MEGF9: variants seen among roughly 807,000 people sequenced by gnomAD.
MEGF9 encodes the protein multiple epidermal growth factor-like domains protein 9.
Under a neutral mutation model 46.8 loss-of-function variants are expected in MEGF9, and 6 were observed. The observed-to-expected ratio is 0.13, with a 90% CI of 0.07 to 0.25. The LOEUF (loss-of-function observed/expected upper bound fraction) is 0.25, where lower values mean the gene tolerates loss of function less well. MEGF9 is among the 10% of genes least tolerant of loss of function. MEGF9 has a pLI of 1.00. For synonymous variants in MEGF9, 302 were observed against 330.7 expected (o/e 0.91, Z 0.94); for missense variants, 683 against 792.4 (o/e 0.86, Z 1.66).
At chr9:120,674,321 G>C (rs1236748545) in intron 1 of MEGF9, among the ~76,000 whole-genome samples, 1 of 152,064 alleles carries the variant, frequency 6.6e-6, no homozygotes, top group African/African-American at 2.4e-5. Flanking sequence ...TTTAAAAATG[G>C]AGAAAAGATC....
At chr9:120,668,280 A>G (rs2043734181) in intron 1 of MEGF9, among the ~76,000 whole-genome samples, 1 of 152,216 alleles carries the variant, frequency 6.6e-6, no homozygotes, top group Admixed American at 6.5e-5. Flanking sequence ...TGTTATGCCA[A>G]GGTATTGCCA....
At chr9:120,654,865 C>T (rs1353783706) in intron 2 of MEGF9, among the ~76,000 whole-genome samples, 2 of 151,384 alleles carry the variant, frequency 1.3e-5, no homozygotes, top group African/African-American at 4.9e-5. Flanking sequence ...ATATTTACGT[C>T]GTAGTTTTTA....
At chr9:120,662,867 G>A (rs756781136) in intron 1 of MEGF9, among the ~76,000 whole-genome samples, 14 of 152,296 alleles carry the variant, frequency 9.2e-5, no homozygotes, top group Middle Eastern at 3.4e-3. Flanking sequence ...GGGCTGTTAC[G>A]CAGAAATCCA....
chr9:120,611,618 G>A (rs191826382), intron 4 of MEGF9, among the ~76,000 whole-genome samples: 1 of 152,028 alleles, frequency 6.6e-6, no homozygotes, highest in Admixed American at 6.6e-5. Context: ...AATGATTATA[G>A]GATTGTTTTT....
At chr9:120,642,707 T>C (rs192197548) in intron 2 of MEGF9, among the ~76,000 whole-genome samples, 4 of 152,336 alleles carry the variant, frequency 2.6e-5, no homozygotes, top group African/African-American at 9.6e-5. Flanking sequence ...TTCTATTCAA[T>C]TGCAGAACCC....
intron 2 of MEGF9, among the ~76,000 whole-genome samples, chr9:120,644,322 G>A (rs1343325491): frequency 6.6e-6 from 1 of 152,064 alleles, no homozygotes; most frequent in Admixed American, 6.5e-5. Flanking sequence ...ATTAGAATGA[G>A]GTTATGAATT....
chr9:120,626,693 G>A (rs1348976678), intron 2 of MEGF9, among the ~76,000 whole-genome samples: 1 of 152,164 alleles, frequency 6.6e-6, no homozygotes, highest in Non-Finnish European at 1.5e-5. Context: ...TACAGGAAAG[G>A]AGTATCAGAG....
chr9:120,649,847 GGACTTACT>G (rs1235010435), intron 2 of MEGF9, among the ~76,000 whole-genome samples: 2 of 152,072 alleles, frequency 1.3e-5, no homozygotes, highest in Non-Finnish European at 2.9e-5. Context: ...ATGATGAGGA[GGACTTACT>G]GTGTAGCAGC....
At chr9:120,660,895 T>C (rs1473281161) in intron 1 of MEGF9, among the ~76,000 whole-genome samples, 2 of 152,190 alleles carry the variant, frequency 1.3e-5, no homozygotes, top group African/African-American at 4.8e-5. Flanking sequence ...AATGGCACTG[T>C]ACCAACACAG....
chr9:120,675,887 C>CAAA lies in MEGF9; in HGVS notation c.602-16315_602-16313dup, dbSNP rs1173047863. On this transcript the variant is annotated intron_variant, in intron 1 of 5. Transcript: ENST00000373930. Reference sequence around the variant, plus strand: ...TGGCCGACAGAGCGAGACTCCATCTCAAAAAAAAAAAAAAAAAAAAAAACA... The same window carrying CAAA: ...TGGCCGACAGAGCGAGACTCCATCTCAAAAAAAAAAAAAAAAAAAAAAAAAACA... Among the ~76,000 whole-genome samples, 419 of 56,496 alleles carry CAAA rather than the reference C, an allele frequency of 7.4e-3. 2 individuals are homozygous for CAAA. Among genetic ancestry groups the CAAA allele is most frequent in the African/African-American group, 8.8e-3 (119 of 13,452 alleles). 37.1% of individuals were successfully genotyped at this position (56,496 alleles called of 152,430 possible).
chr9:120,708,652 G>A (rs1215517709), intron 1 of MEGF9, among the ~76,000 whole-genome samples: 1 of 152,142 alleles, frequency 6.6e-6, no homozygotes, highest in African/African-American at 2.4e-5. Flanking sequence ...TTTATCATCT[G>A]TAAATTTATT....
chr9:120,672,469 TAAAA>T (rs1338817728), intron 1 of MEGF9, among the ~76,000 whole-genome samples: 18 of 127,634 alleles, frequency 1.4e-4, no homozygotes, highest in African/African-American at 4.9e-4. Flanking sequence ...AATAAATAAA[TAAAA>T]AGCCAGGAAT....
rs1173728792 is a variant in MEGF9, at chr9:120,622,646, T to A, written c.913A>T (p.Asn305Tyr). ...KNGCLPCQCN[N>Y]RSASCDALTG... ...AGGGCATCGCAACTGGCAGACCGAT[T>A]ATTGCATTGGCAGGGCAAGCAGCCA... Residue 305 changes from asparagine to tyrosine, a missense_variant, in exon 3 of 6, where the codon AAT (asparagine) becomes TAT (tyrosine). By Grantham distance (143) the Asn-to-Tyr change is moderately radical. Coordinates refer to ENST00000373930, the MANE Select transcript of MEGF9 (RefSeq NM_001080497.3). 6.2e-7 allele frequency: 1 copy of A among 1,613,794 alleles called. No homozygotes were observed. The highest frequency in any genetic ancestry group is 2.2e-5 in the East Asian group (1 of 44,870).
chr9:120,651,715 T>G (rs2043650245), intron 2 of MEGF9, among the ~76,000 whole-genome samples: 1 of 151,150 alleles, frequency 6.6e-6, no homozygotes, highest in Non-Finnish European at 1.5e-5. Flanking sequence ...TGCAATGGCA[T>G]GATCTCGGCA....
intron 3 of MEGF9, among the ~76,000 whole-genome samples, chr9:120,614,988 C>T (rs938443702): frequency 6.6e-6 from 1 of 151,562 alleles, no homozygotes. Context: ...GCCTGTAATC[C>T]CAGCACTTTG....
intron 2 of MEGF9, among the ~76,000 whole-genome samples, chr9:120,623,515 AGCTT>A (rs2043510895): frequency 6.6e-6 from 1 of 152,244 alleles, no homozygotes; most frequent in South Asian, 2.1e-4. Context: ...TGATGTTTAA[AGCTT>A]AAATAAAATT....
intron 2 of MEGF9, among the ~76,000 whole-genome samples, chr9:120,646,978 A>G (rs1480775413): frequency 2.0e-5 from 3 of 152,154 alleles, no homozygotes; most frequent in African/African-American, 7.2e-5. Flanking sequence ...AAATTTTAAG[A>G]TATTTCTTTA....
In MEGF9 at chr9:120,714,444, C is replaced by A; in HGVS notation, c.-86G>T. ...TCCGCAACCGCCGCCGCCACCGCCA[C>A]CGGGCGCACCATCGCCACCTCCCTC... On this transcript the variant is annotated 5_prime_UTR_variant, in exon 1 of 6. Coordinates refer to ENST00000373930, the MANE Select transcript of MEGF9 (RefSeq NM_001080497.3). The A allele has an allele frequency of 1.8e-6, 2 of 1,131,406 alleles. No individual in the cohort carries two copies. Among genetic ancestry groups the A allele is most frequent in the Non-Finnish European group, 2.2e-6 (2 of 898,734 alleles). 70.1% of individuals were successfully genotyped at this position (1,131,406 alleles called of 1,614,324 possible). A position where few individuals can be genotyped will look rare whatever the true frequency, so the allele number is the denominator to read the frequency against.
chr9:120,609,286 A>G (rs1000388089), intron 4 of MEGF9, among the ~76,000 whole-genome samples: 2 of 119,088 alleles, frequency 1.7e-5, no homozygotes, highest in Admixed American at 2.0e-4. Context: ...CTTTCTCTGC[A>G]TGGGACATCC....
Sources: allele counts gnomAD v4.1 joint callset (sites outside exome capture counted in the v4.1 genomes callset), GRCh38; gene constraint gnomAD v4.1.1; transcripts MANE v1.5; gene names NCBI Gene and HGNC (gene_info 2026-07-23, HGNC 2026-07-21).